The following LRRC47 variants were observed in gnomAD, a reference collection of about 807,000 sequenced individuals.
The protein encoded by LRRC47 is leucine-rich repeat-containing protein 47.
In LRRC47, 31 loss-of-function variants were observed where a neutral mutation model predicts 40.9. The observed-to-expected ratio is 0.76, with a 90% confidence interval of 0.57 to 1.02. The LOEUF is 1.02. LRRC47 is among the 50% of genes least tolerant of loss of function. LRRC47 has a pLI of 0.00. For synonymous variants in LRRC47, 427 were observed against 371.9 expected, an observed-to-expected ratio of 1.15 and a Z score of -1.70; for missense variants, 726 against 796.1, an observed-to-expected ratio of 0.91 and a Z score of 1.06.
rs1441025873 is a variant in LRRC47, at chr1:3,780,763, G to T, written c.*325C>A. 1 of 303,242 alleles carries T rather than the reference G, an allele frequency of 3.3e-6. No homozygotes were observed. Among genetic ancestry groups the T allele is most frequent in the Non-Finnish European group, 6.3e-6 (1 of 159,666 alleles). 18.8% of individuals were successfully genotyped at this position (303,242 alleles called of 1,614,324 possible). ...GGGGCAGAGGTGGACAGATCATGAG[G>T]TCAAGAGATCAAGACCATCCTGGTC... On this transcript the variant is annotated 3_prime_UTR_variant, in exon 7 of 7. Transcript: ENST00000378251.
chr1:3,789,594 G>A (rs143513024), intron 1 of LRRC47, among the ~76,000 whole-genome samples: 19 of 152,340 alleles, frequency 1.2e-4, no homozygotes, highest in African/African-American at 4.1e-4. Context: ...GCGGGCACTC[G>A]GAGAAGGGTC....
chr1:3,788,430 T>TG (rs1570738961), intron 1 of LRRC47, among the ~76,000 whole-genome samples: 1 of 152,220 alleles, frequency 6.6e-6, no homozygotes, highest in East Asian at 1.9e-4. Flanking sequence ...CACTCGCCCT[T>TG]GGTCAGTGTG....
chr1:3,780,009 C>G lies in LRRC47; in HGVS notation c.*1079G>C, dbSNP rs1214376142. Reference sequence around the variant, plus strand: ...ACTGCCAGCTGGAGAACCCAACGCCCTTGCACATGCCAAGCTGCATCCTGG... The same window carrying G: ...ACTGCCAGCTGGAGAACCCAACGCCGTTGCACATGCCAAGCTGCATCCTGG... On this transcript the variant is annotated 3_prime_UTR_variant, in exon 7 of 7. Coordinates refer to ENST00000378251, the MANE Select transcript of LRRC47 (RefSeq NM_020710.3). The G allele has an allele frequency of 6.6e-6, 1 of 152,168 alleles. No individual in the cohort carries two copies. The highest frequency in any genetic ancestry group is 2.4e-5 in the African/African-American group (1 of 41,444). 9.4% of individuals were successfully genotyped at this position (152,168 alleles called of 1,614,324 possible).
Position 3,781,285 on chromosome 1 carries a change from G to A in LRRC47, c.1555C>T (p.Leu519Phe), listed in dbSNP as rs1643517363. Reference sequence around the variant, plus strand: ...ACTGCATCGGCTTCAGTATCTGAGAGTGATCCTTCCTCTTTATTTTCTAAA... The same window carrying A: ...ACTGCATCGGCTTCAGTATCTGAGAATGATCCTTCCTCTTTATTTTCTAAA... ...YTLENKEEGS[L>F]SDTEADAVSG... Residue 519 changes from leucine to phenylalanine, a missense_variant, in exon 7 of 7, where the codon CTC (leucine) becomes TTC (phenylalanine). Coordinates refer to ENST00000378251, the MANE Select transcript of LRRC47 (RefSeq NM_020710.3). The A allele has an allele frequency of 1.2e-6, 2 of 1,614,180 alleles. No individual in the cohort carries two copies. Among genetic ancestry groups the A allele is most frequent in the Non-Finnish European group, 1.7e-6 (2 of 1,180,010 alleles).
Position 3,786,997 on chromosome 1 carries a change from C to T in LRRC47, c.929G>A (p.Arg310Lys). The T allele has an allele frequency of 1.2e-6, 2 of 1,612,072 alleles. No individual in the cohort carries two copies. Among genetic ancestry groups the T allele is most frequent in the South Asian group, 2.2e-5 (2 of 90,748 alleles). The stretch of plus-strand genomic sequence containing the variant: ...GGGGTTTTCAGAGACGTGCAGGACC[C>T]TGAGCAGCAGCCGGCCGGCATCTCC... Reference protein sequence around the residue: ...DVGDAGRLLLRVLHVSENPVP... With the variant: ...DVGDAGRLLLKVLHVSENPVP... The change falls in exon 2 of 7, where the codon AGG becomes AAG. Residue 310 changes from arginine (R) to lysine (K), a missense_variant. Arg to Lys is a conservative substitution (Grantham distance 26). Coordinates refer to ENST00000378251, the MANE Select transcript of LRRC47 (RefSeq NM_020710.3).
Position 3,796,082 on chromosome 1 carries a change from T to A in LRRC47, c.395A>T (p.Gln132Leu). ...PAEPPGLPQL[Q>L]SLNLSGNRLR... Reference sequence around the variant, plus strand: ...CCGGTTGCCGCTGAGGTTGAGGCTCTGCAGCTGCGGAAGGCCCGGCGGCTC... The same window carrying A: ...CCGGTTGCCGCTGAGGTTGAGGCTCAGCAGCTGCGGAAGGCCCGGCGGCTC... The change falls in exon 1 of 7, where the codon CAG (glutamine) becomes CTG (leucine). Residue 132 changes from glutamine to leucine, a missense_variant. Physicochemically the swap from Gln to Leu is moderately radical, Grantham distance 113. Transcript: ENST00000378251. The A allele has an allele frequency of 6.7e-7, 1 of 1,500,940 alleles. No homozygotes were observed. The highest frequency in any genetic ancestry group is 8.8e-7 in the Non-Finnish European group (1 of 1,131,158). The allele number at this position is 1,500,940 out of a possible 1,614,324, so 93.0% of individuals were successfully genotyped here.
In LRRC47 at chr1:3,782,757, A is replaced by C. The variant is rs575948924; in HGVS notation, c.1317T>G (p.Leu439=). 1.3e-6 allele frequency: 2 copies of C among 1,586,096 alleles called. No homozygotes were observed. Among genetic ancestry groups the C allele is most frequent in the East Asian group, 4.5e-5 (2 of 44,750 alleles). Residue 439 remains leucine (L), a synonymous_variant, in exon 5 of 7, where the codon CTT becomes CTG. Transcript: ENST00000378251. ...RQSVSGLHRY[L]HLLDGNENYP... is the part of the protein sequence containing the mutation. ...AATTTTCATTTCCATCCAGCAAGTGAAGGTATCTGTATGGGAAGAAATACA... is the reference window on the plus strand; with the variant it reads ...AATTTTCATTTCCATCCAGCAAGTGCAGGTATCTGTATGGGAAGAAATACA...
chr1:3,783,157 C>T (rs1477197431), intron 4 of LRRC47: 3 of 168,542 alleles, frequency 1.8e-5, no homozygotes, highest in Admixed American at 1.7e-4. Flanking sequence ...TGGTGGCTCA[C>T]GCCTGTAATC....
rs1468850477 is a variant in LRRC47, at chr1:3,796,041, C to T, written c.436G>A (p.Ala146Thr). 1 of 1,543,330 alleles carries T rather than the reference C, an allele frequency of 6.5e-7. No individual in the cohort carries two copies. The highest frequency in any genetic ancestry group is 8.7e-7 in the Non-Finnish European group (1 of 1,147,022). The change falls in exon 1 of 7, where the codon GCC becomes ACC. Residue 146 changes from alanine to threonine, a missense_variant. Physicochemically the swap from Ala to Thr is moderately conservative, Grantham distance 58. Coordinates refer to ENST00000378251, the MANE Select transcript of LRRC47 (RefSeq NM_020710.3). ...LSGNRLRELP[A>T]DLARCAPRLQ... Reference sequence around the variant, plus strand: ...CGCGGGGCGCAGCGCGCCAGGTCGGCTGGCAGCTCGCGCAGCCGGTTGCCG... The same window carrying T: ...CGCGGGGCGCAGCGCGCCAGGTCGGTTGGCAGCTCGCGCAGCCGGTTGCCG...
Position 3,796,194 on chromosome 1 carries a change from G to A in LRRC47, c.283C>T (p.Leu95Phe). 2.1e-6 allele frequency: 3 copies of A among 1,435,732 alleles called. No individual in the cohort carries two copies. The highest frequency in any genetic ancestry group is 2.7e-6 in the Non-Finnish European group (3 of 1,101,014). The allele number at this position is 1,435,732 out of a possible 1,614,324, so 88.9% of individuals were successfully genotyped here. A position where few individuals can be genotyped will look rare whatever the true frequency, so the allele number is the denominator to read the frequency against. Reference sequence around the variant, plus strand: ...ACCCGAAGGGCAGGCAGCGGCCCGAGCTCGGGGCTCAGGCCGGGCCCCAGC... The same window carrying A: ...ACCCGAAGGGCAGGCAGCGGCCCGAACTCGGGGCTCAGGCCGGGCCCCAGC... ...NALGPGLSPE[L>F]GPLPALRVLD... is the part of the protein sequence containing the mutation. The change falls in exon 1 of 7, where the codon CTC (leucine) becomes TTC (phenylalanine). Residue 95 changes from leucine (L) to phenylalanine (F), a missense_variant. By Grantham distance (22) the Leu-to-Phe change is conservative (BLOSUM62 0). Coordinates refer to ENST00000378251, the MANE Select transcript of LRRC47 (RefSeq NM_020710.3).
chr1:3,794,648 T>C (rs1181354776), intron 1 of LRRC47, among the ~76,000 whole-genome samples: 1 of 151,108 alleles, frequency 6.6e-6, no homozygotes, highest in Non-Finnish European at 1.5e-5. Context: ...CCAGGGTTTG[T>C]CTATATATCC....
In LRRC47 at chr1:3,781,158, C is replaced by T. The variant is rs1465248093; in HGVS notation, c.1682G>A (p.Ser561Asn). The T allele has an allele frequency of 6.2e-7, 1 of 1,614,168 alleles. No individual in the cohort carries two copies. The highest frequency in any genetic ancestry group is 8.5e-7 in the Non-Finnish European group (1 of 1,180,040). Residue 561 changes from serine to asparagine, a missense_variant, in exon 7 of 7, where the codon AGC becomes AAC. Physicochemically the swap from Ser to Asn is conservative, Grantham distance 46 (BLOSUM62 1). Transcript: ENST00000378251. ...EQVRVVDLEGSLKVVYPSKAD... is the reference protein window; with the variant it reads ...EQVRVVDLEGNLKVVYPSKAD... Reference sequence around the variant, plus strand: ...CTTGGACGGGTACACCACCTTCAGGCTCCCTTCCAGATCCACCACCCGGAC... The same window carrying T: ...CTTGGACGGGTACACCACCTTCAGGTTCCCTTCCAGATCCACCACCCGGAC...
intron 3 of LRRC47, 45 bp from the exon 4 acceptor site, chr1:3,784,156 G>T: frequency 6.6e-7 from 1 of 1,520,094 alleles, no homozygotes; most frequent in South Asian, 1.2e-5. Context: ...CACAGCCACA[G>T]AACTCGCCCA....
At chr1:3,794,157 T>C (rs1283435590) in intron 1 of LRRC47, among the ~76,000 whole-genome samples, 2 of 151,862 alleles carry the variant, frequency 1.3e-5, no homozygotes, top group African/African-American at 4.8e-5. Context: ...GTTGCACCAC[T>C]GCACACCAGC....
intron 4 of LRRC47, 35 bp downstream of exon 4, chr1:3,783,961 G>A (rs758699833): frequency 8.3e-6 from 13 of 1,556,924 alleles, no homozygotes; most frequent in African/African-American, 4.1e-5. Context: ...GCACTCCCCC[G>A]GGCCCGGCCC....
intron 1 of LRRC47, among the ~76,000 whole-genome samples, chr1:3,791,053 G>A (rs1643622181): frequency 6.6e-6 from 1 of 152,146 alleles, no homozygotes; most frequent in Non-Finnish European, 1.5e-5. Flanking sequence ...TTGTACTGAG[G>A]AGCCCTGAGC....
intron 3 of LRRC47, 187 bp downstream of exon 3, chr1:3,784,900 C>G: frequency 2.8e-6 from 1 of 358,408 alleles, no homozygotes; most frequent in African/African-American, 2.2e-5. Context: ...GAGGCTGAAG[C>G]AGGAGAATCG....
chr1:3,790,061 C>T (rs1166615581), intron 1 of LRRC47, among the ~76,000 whole-genome samples: 2 of 152,200 alleles, frequency 1.3e-5, no homozygotes, highest in Non-Finnish European at 2.9e-5. Context: ...CCGGAGCTGA[C>T]ACTCTACTGC....
At position 3,792,302 on chromosome 1, in the gene LRRC47, C is replaced by T. The variant is rs183141513; in HGVS notation, c.615+3560G>A. ...GGTCTCCTGATAGAGAGCCACTGGA[C>T]GCCTAAAATTTACGAACAGAATGGC... is the stretch of plus-strand genomic sequence containing the variant. On this transcript the variant is annotated intron_variant, in intron 1 of 6. Coordinates refer to ENST00000378251, the MANE Select transcript of LRRC47 (RefSeq NM_020710.3). Among the ~76,000 whole-genome samples, 140 of 152,252 alleles carry T rather than the reference C, an allele frequency of 9.2e-4. 1 individual carries two copies. The highest frequency in any genetic ancestry group is 2.9e-3 in the African/African-American group (121 of 41,536).
Sources: gnomAD v4.1 joint callset for allele counts (sites outside exome capture counted in the v4.1 genomes callset) on GRCh38, gnomAD v4.1.1 for gene constraint, MANE v1.5 for transcripts, NCBI Gene and HGNC (gene_info 2026-07-23, HGNC 2026-07-21) for gene names.